MYO1E: variants seen among roughly 807,000 people sequenced by gnomAD.
The protein encoded by MYO1E is unconventional myosin-Ie.
A neutral mutation model predicts 151.1 loss-of-function variants in MYO1E; 68 were observed. That is an observed-to-expected ratio of 0.45 (90% CI 0.37 to 0.55). MYO1E has a LOEUF of 0.55. Among genes scored for constraint, MYO1E ranks in the 20% least tolerant of loss-of-function variants. MYO1E has a pLI of 0.00. For missense variants in MYO1E, 1,363 were observed against 1,389.3 expected (o/e 0.98, Z 0.30); for synonymous variants, 601 against 501.7 (o/e 1.20, Z -2.64).
At chr15:59,209,056 C>T (rs2079859791) in intron 13 of MYO1E, 12 of 637,356 alleles carry the variant, frequency 1.9e-5, no homozygotes, top group Middle Eastern at 4.3e-4. Context: ...CTCCACTTTC[C>T]AAAAAGCTGT....
In MYO1E at chr15:59,136,946, G is replaced by T; in HGVS notation, c.*434C>A. On this transcript the variant is annotated 3_prime_UTR_variant, in exon 28 of 28. Coordinates refer to ENST00000288235, the MANE Select transcript of MYO1E (RefSeq NM_004998.4). ...CTGAAGGAAGGTGGCAGAGAGGAATGTGTCTATCAGGTATGGACAAGAGAG... is the reference window on the plus strand; with the variant it reads ...CTGAAGGAAGGTGGCAGAGAGGAATTTGTCTATCAGGTATGGACAAGAGAG... The T allele has an allele frequency of 5.5e-6, 2 of 360,528 alleles. No homozygotes were observed. Among genetic ancestry groups the T allele is most frequent in the South Asian group, 2.0e-5 (1 of 48,932 alleles). 22.3% of individuals were successfully genotyped at this position (360,528 alleles called of 1,614,324 possible). A position where few individuals can be genotyped will look rare whatever the true frequency, so the allele number is the denominator to read the frequency against.
intron 25 of MYO1E, among the ~76,000 whole-genome samples, chr15:59,157,414 C>T (rs1370357187): frequency 2.0e-5 from 3 of 152,170 alleles, no homozygotes; most frequent in African/African-American, 7.2e-5. Context: ...CCCTCCTTAT[C>T]CATGATTTTG....
intron 1 of MYO1E, among the ~76,000 whole-genome samples, chr15:59,368,580 C>A (rs1343846942): frequency 6.6e-6 from 1 of 152,004 alleles, no homozygotes; most frequent in Non-Finnish European, 1.5e-5. Flanking sequence ...CCCGTCTCCA[C>A]TAAAAAATAC....
chr15:59,311,885 T>A (rs1457141837), intron 1 of MYO1E, among the ~76,000 whole-genome samples: 1 of 152,202 alleles, frequency 6.6e-6, no homozygotes, highest in African/African-American at 2.4e-5. Context: ...TCACTCTTTC[T>A]CGTGCACGCA....
Position 59,214,332 on chromosome 15 carries a change from T to G in MYO1E, c.1189-18A>C, listed in dbSNP as rs1397412676. 1 of 1,541,564 alleles carries G rather than the reference T, an allele frequency of 6.5e-7. No homozygotes were observed. Among genetic ancestry groups the G allele is most frequent in the South Asian group, 1.1e-5 (1 of 89,236 alleles). On this transcript the variant is annotated intron_variant, in intron 11 of 27. Coordinates refer to ENST00000288235, the MANE Select transcript of MYO1E (RefSeq NM_004998.4). ...CCATTTTTCTGGAAAAAAAAAGTTA[T>G]TCACATGTAATTCTTTCACAAAATC... is the stretch of plus-strand genomic sequence containing the variant.
At chr15:59,184,872 C>A (rs1476761983) in intron 18 of MYO1E, among the ~76,000 whole-genome samples, 12 of 152,114 alleles carry the variant, frequency 7.9e-5, no homozygotes, top group African/African-American at 2.9e-4. Context: ...CAAACTATTC[C>A]CCATAGTAGT....
rs1471250677 is a variant in MYO1E at position 59,136,767 on chromosome 15, CAGCCCCT to C, written c.*606_*612del. The C allele has an allele frequency of 2.2e-6, 1 of 456,440 alleles. No individual in the cohort carries two copies. The highest frequency in any genetic ancestry group is 2.3e-5 in the Admixed American group (1 of 42,572). The allele number at this position is 456,440 out of a possible 1,614,324, so 28.3% of individuals were successfully genotyped here. On this transcript the variant is annotated 3_prime_UTR_variant, in exon 28 of 28. Coordinates refer to ENST00000288235, the MANE Select transcript of MYO1E (RefSeq NM_004998.4). ...AGCCAGCAGCCCAGCCCCCAGCCCC[CAGCCCCT>C]GACCTGCTTGGCGGCCCTGATGGTC...
chr15:59,191,063 G>C (rs932314078), intron 17 of MYO1E, among the ~76,000 whole-genome samples: 2 of 152,174 alleles, frequency 1.3e-5, no homozygotes, highest in Non-Finnish European at 2.9e-5. Flanking sequence ...GTCACAATGG[G>C]AGTGGTGTTT....
chr15:59,160,191 AATCTTAGAACAAT>A (rs1470098654), intron 24 of MYO1E, among the ~76,000 whole-genome samples: 17 of 152,190 alleles, frequency 1.1e-4, no homozygotes, highest in African/African-American at 3.9e-4. Flanking sequence ...ACACAGGCTA[AATCTTAGAACAAT>A]ATCACAGTAT....
chr15:59,332,714 A>AT (rs1279082983), intron 1 of MYO1E, among the ~76,000 whole-genome samples: 80 of 147,222 alleles, frequency 5.4e-4, no homozygotes, highest in Non-Finnish European at 7.1e-4. Context: ...CTGGCGCTCT[A>AT]TTTTTTTTTT....
chr15:59,224,924 T>G, intron 7 of MYO1E, 101 bp from the exon 8 acceptor site: 5 of 1,516,692 alleles, frequency 3.3e-6, no homozygotes, highest in Non-Finnish European at 4.5e-6. Context: ...TTTCTATCTC[T>G]GCTTTCTAAA....
chr15:59,262,212 A>AT (rs1272405568), intron 2 of MYO1E, among the ~76,000 whole-genome samples: 2 of 151,658 alleles, frequency 1.3e-5, no homozygotes, highest in East Asian at 3.9e-4. Flanking sequence ...TGTCTCCAAA[A>AT]AAAAAATAAA....
intron 23 of MYO1E, among the ~76,000 whole-genome samples, chr15:59,162,774 G>A (rs1401451952): frequency 2.0e-5 from 3 of 151,986 alleles, no homozygotes; most frequent in Non-Finnish European, 4.4e-5. Context: ...CATTGGTTTG[G>A]GGAATTTAAA....
intron 1 of MYO1E, among the ~76,000 whole-genome samples, chr15:59,311,922 T>C (rs1203237925): frequency 6.6e-6 from 1 of 152,188 alleles, no homozygotes; most frequent in South Asian, 2.1e-4. Flanking sequence ...TTCTGCCGTG[T>C]TGAAGCAGCA....
At chr15:59,193,961 A>G (rs1377304393) in intron 17 of MYO1E, among the ~76,000 whole-genome samples, 8 of 152,136 alleles carry the variant, frequency 5.3e-5, no homozygotes, top group African/African-American at 1.9e-4. Flanking sequence ...TGGATCACGA[A>G]GTCAGGAGTT....
intron 26 of MYO1E, among the ~76,000 whole-genome samples, chr15:59,151,757 A>G (rs1396528201): frequency 1.3e-5 from 2 of 152,048 alleles, no homozygotes; most frequent in Admixed American, 1.3e-4. Context: ...TACTAAAAGT[A>G]AAAAAATTAG....
At chr15:59,177,867 C>A (rs867169543) in intron 19 of MYO1E, among the ~76,000 whole-genome samples, 11 of 152,346 alleles carry the variant, frequency 7.2e-5, no homozygotes, top group South Asian at 4.1e-4. Context: ...TAGGCTCCCC[C>A]ACAGCCTTCT....
intron 1 of MYO1E, among the ~76,000 whole-genome samples, chr15:59,323,747 C>T (rs1452145253): frequency 6.6e-6 from 1 of 151,988 alleles, no homozygotes; most frequent in Non-Finnish European, 1.5e-5. Flanking sequence ...TGCTACAGGG[C>T]CCCAGCACAC....
At chr15:59,211,796 C>T (rs569440669) in intron 12 of MYO1E, among the ~76,000 whole-genome samples, 2 of 152,154 alleles carry the variant, frequency 1.3e-5, no homozygotes, top group African/African-American at 2.4e-5. Flanking sequence ...AAGTCCCATT[C>T]TCTCACTCTC....
Sources: allele counts gnomAD v4.1 joint callset (sites outside exome capture counted in the v4.1 genomes callset), GRCh38; gene constraint gnomAD v4.1.1; transcripts MANE v1.5; gene names NCBI Gene and HGNC (gene_info 2026-07-23, HGNC 2026-07-21).